The following AQP1 variants were observed in gnomAD, a reference collection of about 807,000 sequenced individuals.
AQP1 encodes the protein aquaporin 1 (Colton blood group).
In AQP1, 11 loss-of-function variants were observed where a neutral mutation model predicts 19.7. The ratio of observed to expected loss-of-function variants is 0.56; its 90% CI spans 0.35 to 0.92. The LOEUF (loss-of-function observed/expected upper bound fraction) is 0.92, where lower values mean the gene tolerates loss of function less well. Ranked by LOEUF, AQP1 falls within the 40% of genes least tolerant of loss-of-function variation. AQP1 has a pLI of 0.01. For missense variants in AQP1, 320 were observed against 369.7 expected (o/e 0.87, Z 1.10); for synonymous variants, 159 against 166.7 (o/e 0.95, Z 0.36).
At chr7:30,919,143 C>T (rs904431657) in intron 1 of AQP1, among the ~76,000 whole-genome samples, 1 of 152,226 alleles carries the variant, frequency 6.6e-6, no homozygotes, top group African/African-American at 2.4e-5. Context: ...CCACTTCTAT[C>T]AGCACACAGT....
intron 1 of AQP1, among the ~76,000 whole-genome samples, chr7:30,920,267 C>T (rs1791464850): frequency 1.3e-5 from 2 of 152,090 alleles, no homozygotes; most frequent in South Asian, 2.1e-4. Flanking sequence ...CCCTGGAGAG[C>T]AGAAGAGAGA....
At chr7:30,921,829 G>C in intron 1 of AQP1, 1 of 1,549,614 alleles carries the variant, frequency 6.5e-7, no homozygotes, top group Non-Finnish European at 8.7e-7. Flanking sequence ...TGGGGCCTGG[G>C]TCTAGGCAGG....
chr7:30,921,278 C>T, intron 1 of AQP1: 1 of 1,257,616 alleles, frequency 8.0e-7, no homozygotes, highest in Non-Finnish European at 1.0e-6. Flanking sequence ...CCATTCCCTT[C>T]TCTTTCCATG....
chr7:30,921,758 T>C, intron 1 of AQP1: 1 of 1,550,676 alleles, frequency 6.4e-7, no homozygotes. Flanking sequence ...TACCCTGGCC[T>C]GGATGCAGCT....
At position 30,922,569 on chromosome 7, in the gene AQP1, C is replaced by A. The variant is rs1438385009; in HGVS notation, c.555C>A (p.Asp185Glu). The change falls in exon 3 of 4, where the codon GAC becomes GAA. Residue 185 changes from aspartate (D) to glutamate (E), a missense_variant. Coordinates refer to ENST00000311813, the MANE Select transcript of AQP1 (RefSeq NM_198098.4). ...SVALGHLLAI[D>E]YTGCGINPAR... Reference sequence around the variant, plus strand: ...TCTGTTTCTTTCCCTCACAGATTGACTACACTGGCTGTGGGATTAACCCTG... The same window carrying A: ...TCTGTTTCTTTCCCTCACAGATTGAATACACTGGCTGTGGGATTAACCCTG... 1 of 1,614,024 alleles carries A rather than the reference C, an allele frequency of 6.2e-7. No homozygotes were observed. The highest frequency in any genetic ancestry group is 1.3e-5 in the African/African-American group (1 of 74,940).
chr7:30,914,262 C>T (rs1791254584), intron 1 of AQP1, among the ~76,000 whole-genome samples: 1 of 152,198 alleles, frequency 6.6e-6, no homozygotes. Flanking sequence ...GGCTGAGAGG[C>T]AGACACCTGG....
At position 30,923,240 on chromosome 7, in the gene AQP1, G is replaced by T. The variant is rs1156978882; in HGVS notation, c.631-210G>T. On this transcript the variant is annotated intron_variant, in intron 3 of 3. Coordinates refer to ENST00000311813, the MANE Select transcript of AQP1 (RefSeq NM_198098.4). The surrounding 1 kb of genome is among the most constrained non-coding windows in gnomAD (Gnocchi z 4.8). ...GCCCATGCCTGAGCTGGGCCCCACA[G>T]AGGCAAGGAGTTGACCCTACCACGT... Among the ~76,000 whole-genome samples the T allele has an allele frequency of 2.0e-5, 3 of 152,258 alleles. No homozygotes were observed. The highest frequency in any genetic ancestry group is 4.8e-5 in the African/African-American group (2 of 41,470).
rs534292319 is a variant in AQP1, at chr7:30,921,227, G to A, written c.385-839G>A. On this transcript the variant is annotated intron_variant, in intron 1 of 3. Coordinates refer to ENST00000311813, the MANE Select transcript of AQP1 (RefSeq NM_198098.4). Reference sequence around the variant, plus strand: ...CTTCCTGGGGAGGGGTCCTCCGGGGGCAGCTGCATGGGGAGGGCCTTCATG... The same window carrying A: ...CTTCCTGGGGAGGGGTCCTCCGGGGACAGCTGCATGGGGAGGGCCTTCATG... 236 of 1,098,854 alleles carry A rather than the reference G, an allele frequency of 2.1e-4. No individual in the cohort carries two copies. The African/African-American group carries it at 3.6e-3, about 17-fold the overall frequency. The allele number at this position is 1,098,854 out of a possible 1,614,324, so 68.1% of individuals were successfully genotyped here. A position where few individuals can be genotyped will look rare whatever the true frequency, so the allele number is the denominator to read the frequency against.
chr7:30,922,273 G>A (rs1302757993), intron 2 of AQP1, 43 bp downstream of exon 2: 8 of 1,540,664 alleles, frequency 5.2e-6, no homozygotes, highest in Non-Finnish European at 7.0e-6. Flanking sequence ...GGAAGGGAGG[G>A]CGGGGGCTGG....
At chr7:30,921,971 T>C (rs1791514142) in intron 1 of AQP1, 95 bp from the exon 2 acceptor site, 2 of 1,589,472 alleles carry the variant, frequency 1.3e-6, no homozygotes, top group African/African-American at 1.3e-5. Context: ...CCGCCCTTCA[T>C]GCCTGGGCCT....
chr7:30,916,975 A>G (rs1367731408), intron 1 of AQP1, among the ~76,000 whole-genome samples: 2 of 151,962 alleles, frequency 1.3e-5, no homozygotes. Flanking sequence ...AGCAATTCTG[A>G]TGGCCTGCGG....
rs1049305 is a variant in AQP1 at position 30,924,207 on chromosome 7, G to C, written c.*578G>C. 0.41 allele frequency: 388,826 copies of C among 939,506 alleles called. 86,219 individuals carry two copies. The highest frequency in any genetic ancestry group is 0.84 in the African/African-American group (48,732 of 58,168). The allele number at this position is 939,506 out of a possible 1,614,324, so 58.2% of individuals were successfully genotyped here. ...TGGAATCGTCCCTATATCAGGGCCT[G>C]AGTGACCTCCTTCTGCAAAGTGGCA... On this transcript the variant is annotated 3_prime_UTR_variant, in exon 4 of 4. Coordinates refer to ENST00000311813, the MANE Select transcript of AQP1 (RefSeq NM_198098.4).
intron 1 of AQP1, among the ~76,000 whole-genome samples, chr7:30,917,826 G>A (rs973900382): frequency 9.2e-5 from 14 of 152,052 alleles, no homozygotes; most frequent in South Asian, 4.2e-4. Context: ...GGTAGTTTTC[G>A]GCTGCTTCAT....
In AQP1 at chr7:30,912,269, T is replaced by C; in HGVS notation, c.360T>C (p.Thr120=). ...TCTCAGGCATCACCTCCTCCCTGAC[T>C]GGGAACTCGCTTGGCCGCAATGACG... ...AILSGITSSL[T]GNSLGRNDLA... The change falls in exon 1 of 4, where the codon ACT becomes ACC. Residue 120 remains threonine (T), a synonymous_variant. Coordinates refer to ENST00000311813, the MANE Select transcript of AQP1 (RefSeq NM_198098.4). The surrounding 1 kb of genome is among the most constrained non-coding windows in gnomAD (Gnocchi z 4.3). The C allele has an allele frequency of 6.2e-7, 1 of 1,604,074 alleles. No individual in the cohort carries two copies. Among genetic ancestry groups the C allele is most frequent in the Non-Finnish European group, 8.5e-7 (1 of 1,179,544 alleles).
At chr7:30,921,491 A>G (rs1791497968) in intron 1 of AQP1, 2 of 1,484,172 alleles carry the variant, frequency 1.3e-6, no homozygotes, top group Non-Finnish European at 1.8e-6. Context: ...AAGGAGAGAG[A>G]GAGGGTGGAG....
In AQP1 at chr7:30,919,306, G is replaced by A. The variant is rs1345738367; in HGVS notation, c.385-2760G>A. 2.6e-5 allele frequency among the ~76,000 whole-genome samples: 4 copies of A among 152,180 alleles called. No homozygotes were observed. The East Asian group carries it at 7.7e-4, about 29-fold the overall frequency. On this transcript the variant is annotated intron_variant, in intron 1 of 3. Coordinates refer to ENST00000311813, the MANE Select transcript of AQP1 (RefSeq NM_198098.4). ...CAGAGAATTCAGTGAGGGCATGGTG[G>A]GTGGGAGCAGAAGTTAATTCCAGCC...
In AQP1 at chr7:30,923,956, G is replaced by A. The variant is rs773654140; in HGVS notation, c.*327G>A. On this transcript the variant is annotated 3_prime_UTR_variant, in exon 4 of 4. Transcript: ENST00000311813. The surrounding 1 kb of genome is among the most constrained non-coding windows in gnomAD (Gnocchi z 4.8). Reference sequence around the variant, plus strand: ...GAGGTGTGCCAGAAAGTCCCCCCTCGCCCCAAAGTTGCTCACCGACTCACC... The same window carrying A: ...GAGGTGTGCCAGAAAGTCCCCCCTCACCCCAAAGTTGCTCACCGACTCACC... The A allele has an allele frequency of 7.1e-6, 10 of 1,410,820 alleles. No individual in the cohort carries two copies. The highest frequency in any genetic ancestry group is 7.4e-5 in the East Asian group (2 of 26,934). 87.4% of individuals were successfully genotyped at this position (1,410,820 alleles called of 1,614,324 possible). A position where few individuals can be genotyped will look rare whatever the true frequency, so the allele number is the denominator to read the frequency against.
chr7:30,922,102 A>C lies in AQP1; in HGVS notation c.421A>C (p.Ile141Leu). 1 of 1,614,072 alleles carries C rather than the reference A, an allele frequency of 6.2e-7. No homozygotes were observed. The highest frequency in any genetic ancestry group is 8.5e-7 in the Non-Finnish European group (1 of 1,180,012). Reference protein sequence around the residue: ...DGVNSGQGLGIEIIGTLQLVL... With the variant: ...DGVNSGQGLGLEIIGTLQLVL... ...TGTGAACTCGGGCCAGGGCCTGGGCATCGAGATCATCGGGACCCTCCAGCT... is the reference window on the plus strand; with the variant it reads ...TGTGAACTCGGGCCAGGGCCTGGGCCTCGAGATCATCGGGACCCTCCAGCT... Residue 141 changes from isoleucine (I) to leucine (L), a missense_variant, in exon 2 of 4, where the codon ATC becomes CTC. Ile to Leu is a conservative substitution (Grantham distance 5). Coordinates refer to ENST00000311813, the MANE Select transcript of AQP1 (RefSeq NM_198098.4).
In AQP1 at chr7:30,923,020, G is replaced by A. The variant is rs567288485; in HGVS notation, c.630+376G>A. Reference sequence around the variant, plus strand: ...TATGGTGGTGCCCACCTCTCAGGGTGGCCGAGAAGAGGAAAGGGCTCACTC... The same window carrying A: ...TATGGTGGTGCCCACCTCTCAGGGTAGCCGAGAAGAGGAAAGGGCTCACTC... On this transcript the variant is annotated intron_variant, in intron 3 of 3. Transcript: ENST00000311813. The surrounding 1 kb of genome is among the most constrained non-coding windows in gnomAD (Gnocchi z 4.8). Among the ~76,000 whole-genome samples, 9 of 152,370 alleles carry A rather than the reference G, an allele frequency of 5.9e-5. No individual in the cohort carries two copies. Among genetic ancestry groups the A allele is most frequent in the Middle Eastern group, 6.8e-3 (2 of 294 alleles).
Sources: allele counts gnomAD v4.1 joint callset (sites outside exome capture counted in the v4.1 genomes callset), GRCh38; gene constraint gnomAD v4.1.1; non-coding constraint Gnocchi (gnomAD v3.1); transcripts MANE v1.5; gene names NCBI Gene and HGNC (gene_info 2026-07-23, HGNC 2026-07-21).